Variants in PCDHAC1 observed in about 807,000 individuals in gnomAD.
PCDHAC1 encodes protocadherin alpha-C1.
A neutral mutation model predicts 60.0 loss-of-function variants in PCDHAC1; 42 were observed. That is an observed-to-expected ratio of 0.70 (90% CI 0.55 to 0.90). The LOEUF is 0.90. PCDHAC1 is among the 40% of genes least tolerant of loss of function. The pLI is 0.00. For missense variants in PCDHAC1, 1,160 were observed against 1,222.3 expected (o/e 0.95, Z 0.76); for synonymous variants, 468 against 499.3 (o/e 0.94, Z 0.84).
chr5:140,998,639 A>G (rs1165002908), intron 3 of PCDHAC1, among the ~76,000 whole-genome samples: 2 of 151,766 alleles, frequency 1.3e-5, no homozygotes, highest in African/African-American at 2.4e-5. Flanking sequence ...ATCTCAGCTC[A>G]CTGCAACCTC....
At chr5:141,005,321 A>C (rs1455149994) in intron 3 of PCDHAC1, among the ~76,000 whole-genome samples, 1 of 152,182 alleles carries the variant, frequency 6.6e-6, no homozygotes, top group Admixed American at 6.5e-5. Context: ...AGTGGTAGAG[A>C]ATAATAGGCC....
intron 3 of PCDHAC1, among the ~76,000 whole-genome samples, chr5:140,993,470 ACAC>A: frequency 8.7e-6 from 1 of 115,268 alleles, no homozygotes; most frequent in South Asian, 2.9e-4. Context: ...TCTCACACAC[ACAC>A]ACACACACAC....
chr5:140,974,043 TATG>T (rs1554235772), intron 1 of PCDHAC1, among the ~76,000 whole-genome samples: 1 of 152,238 alleles, frequency 6.6e-6, no homozygotes, highest in Non-Finnish European at 1.5e-5. Flanking sequence ...AGCTTATTAA[TATG>T]ATAATATTTG....
intron 1 of PCDHAC1, among the ~76,000 whole-genome samples, chr5:140,964,705 C>T (rs1361202248): frequency 2.6e-5 from 4 of 151,550 alleles, no homozygotes; most frequent in Non-Finnish European, 4.4e-5. Flanking sequence ...TTAAGGCCTC[C>T]GAGATCAAAT....
chr5:141,000,393 CTCTATATA>C (rs1486021873), intron 3 of PCDHAC1, among the ~76,000 whole-genome samples: 100 of 52,828 alleles, frequency 1.9e-3, no homozygotes, highest in Middle Eastern at 0.012. Context: ...CTCTCTCTCT[CTCTATATA>C]TATATATATA....
chr5:140,988,381 T>C (rs1554250091), intron 3 of PCDHAC1, among the ~76,000 whole-genome samples: 3 of 152,158 alleles, frequency 2.0e-5, no homozygotes, highest in Admixed American at 6.5e-5. Flanking sequence ...GTGAAACTCA[T>C]TGTGTTTGCC....
At chr5:140,995,851 G>A (rs2097700458) in intron 3 of PCDHAC1, among the ~76,000 whole-genome samples, 4 of 152,250 alleles carry the variant, frequency 2.6e-5, no homozygotes, top group South Asian at 2.1e-4. Flanking sequence ...CATTTCTATC[G>A]TATCACTTAA....
At chr5:140,970,597 TA>T (rs2096419556) in intron 1 of PCDHAC1, among the ~76,000 whole-genome samples, 4 of 152,198 alleles carry the variant, frequency 2.6e-5, no homozygotes, top group Non-Finnish European at 5.9e-5. Context: ...TGCTTTGTGA[TA>T]CTTAAAACTT....
intron 3 of PCDHAC1, among the ~76,000 whole-genome samples, chr5:140,991,948 A>G (rs2097482017): frequency 6.6e-6 from 1 of 152,046 alleles, no homozygotes; most frequent in Non-Finnish European, 1.5e-5. Flanking sequence ...TAAAATTAGA[A>G]TGCAGTCATT....
At chr5:140,971,728 C>A (rs1221096186) in intron 1 of PCDHAC1, among the ~76,000 whole-genome samples, 2 of 151,550 alleles carry the variant, frequency 1.3e-5, no homozygotes, top group African/African-American at 2.4e-5. Flanking sequence ...GTATATCATA[C>A]ATATACACAT....
chr5:140,953,576 C>T (rs1466296429), intron 1 of PCDHAC1, among the ~76,000 whole-genome samples: 1 of 152,090 alleles, frequency 6.6e-6, no homozygotes, highest in Non-Finnish European at 1.5e-5. Flanking sequence ...CCTCCTCTCC[C>T]AAAACTGCCT....
intron 1 of PCDHAC1, among the ~76,000 whole-genome samples, chr5:140,936,829 CTA>C (rs1370139349): frequency 5.9e-5 from 9 of 152,026 alleles, no homozygotes; most frequent in African/African-American, 1.7e-4. Flanking sequence ...CTTTGCATTT[CTA>C]TATAAATTGT....
chr5:140,972,820 C>A (rs1247488574), intron 1 of PCDHAC1, among the ~76,000 whole-genome samples: 3 of 151,964 alleles, frequency 2.0e-5, no homozygotes, highest in Admixed American at 6.6e-5. Context: ...CGCGCCACCA[C>A]GCCTGGCTAA....
rs186566632 is a variant in PCDHAC1, at chr5:140,947,652, T to C, written c.2433+18327T>C. 6.7e-3 allele frequency among the ~76,000 whole-genome samples: 1,010 copies of C among 151,752 alleles called. 2 individuals are homozygous for C. Among genetic ancestry groups the C allele is most frequent in the Non-Finnish European group, 0.01 (702 of 67,572 alleles). On this transcript the variant is annotated intron_variant, in intron 1 of 3. Transcript: ENST00000253807. ...ATCAGATCGTATGAACATATATACCTCCATTTACTTGGGTCTTTAAAAAAT... is the reference window on the plus strand; with the variant it reads ...ATCAGATCGTATGAACATATATACCCCCATTTACTTGGGTCTTTAAAAAAT...
intron 3 of PCDHAC1, among the ~76,000 whole-genome samples, chr5:141,004,659 G>C (rs1012907350): frequency 1.3e-5 from 2 of 152,182 alleles, no homozygotes; most frequent in Admixed American, 1.3e-4. Context: ...GGCTCTGAGG[G>C]CAACTAAAGG....
chr5:140,970,651 T>C (rs1191146950), intron 1 of PCDHAC1, among the ~76,000 whole-genome samples: 4 of 152,226 alleles, frequency 2.6e-5, no homozygotes, highest in Non-Finnish European at 5.9e-5. Flanking sequence ...TAGTGATGAA[T>C]TGTTATCTTT....
intron 3 of PCDHAC1, among the ~76,000 whole-genome samples, chr5:141,004,051 A>G (rs2098149842): frequency 6.6e-6 from 1 of 152,240 alleles, no homozygotes; most frequent in East Asian, 1.9e-4. Flanking sequence ...ATTTGCTGAT[A>G]CTGGCCCCTG....
At position 141,007,395 on chromosome 5, in the gene PCDHAC1, C is replaced by CA. The variant is rs35800918; in HGVS notation, c.2582-2209dup. 5.3e-3 allele frequency among the ~76,000 whole-genome samples: 498 copies of CA among 94,810 alleles called. 4 individuals carry two copies. The highest frequency in any genetic ancestry group is 0.049 in the East Asian group (166 of 3,398). 62.2% of individuals were successfully genotyped at this position (94,810 alleles called of 152,430 possible). On this transcript the variant is annotated intron_variant, in intron 3 of 3. Transcript: ENST00000253807. The stretch of plus-strand genomic sequence containing the variant: ...ATGGAACACCATCTCTACTAAAATA[C>CA]AAAAAAAAAAAAAAAAAAAAAAATT...
At chr5:140,999,713 G>A (rs533034174) in intron 3 of PCDHAC1, among the ~76,000 whole-genome samples, 2 of 152,226 alleles carry the variant, frequency 1.3e-5, no homozygotes, top group South Asian at 4.2e-4. Flanking sequence ...AGCTAACTAC[G>A]GAGACCAGCC....
Sources: gnomAD v4.1 joint callset for allele counts (sites outside exome capture counted in the v4.1 genomes callset) on GRCh38, gnomAD v4.1.1 for gene constraint, MANE v1.5 for transcripts, NCBI Gene and HGNC (gene_info 2026-07-23, HGNC 2026-07-21) for gene names.